Variants in FGFR2 observed in about 807,000 individuals in gnomAD.
FGFR2 encodes fibroblast growth factor receptor 2.
A neutral mutation model predicts 95.9 loss-of-function variants in FGFR2; 19 were observed. The ratio of observed to expected loss-of-function variants is 0.20; its 90% CI spans 0.14 to 0.29. The LOEUF (loss-of-function observed/expected upper bound fraction) is 0.29. Ranked by LOEUF, FGFR2 falls within the 10% of genes least tolerant of loss-of-function variation. The probability of loss-of-function intolerance (pLI) is 1.00; values close to 1 mark genes in which losing one functional copy is unlikely to be tolerated. For missense variants in FGFR2, 707 were observed against 1,056.9 expected (o/e 0.67, Z 4.59); for synonymous variants, 392 against 393.3 (o/e 1.00, Z 0.04).
chr10:121,525,138 CTCT>C (rs1206086547), intron 6 of FGFR2, among the ~76,000 whole-genome samples: 1 of 152,062 alleles, frequency 6.6e-6, no homozygotes, highest in Non-Finnish European at 1.5e-5. Context: ...TGAGTAGCTC[CTCT>C]GTTTACTGTA....
At chr10:121,592,996 C>G (rs964708809) in intron 2 of FGFR2, among the ~76,000 whole-genome samples, 4 of 152,214 alleles carry the variant, frequency 2.6e-5, no homozygotes, top group African/African-American at 9.6e-5. Context: ...CTGAATAATT[C>G]AGCCTCATGT....
intron 2 of FGFR2, among the ~76,000 whole-genome samples, chr10:121,585,708 T>G (rs905919964): frequency 1.3e-5 from 2 of 152,256 alleles, no homozygotes; most frequent in African/African-American, 4.8e-5. Context: ...CAATTCTATT[T>G]TTAAGAATGG....
chr10:121,482,983 G>A (rs972955464), intron 17 of FGFR2, among the ~76,000 whole-genome samples: 1 of 152,124 alleles, frequency 6.6e-6, no homozygotes, highest in African/African-American at 2.4e-5. Flanking sequence ...TTTTAGTAGA[G>A]ACAGGGTTTC....
intron 9 of FGFR2, among the ~76,000 whole-genome samples, chr10:121,505,784 A>C (rs1300967316): frequency 6.6e-6 from 1 of 152,240 alleles, no homozygotes; most frequent in East Asian, 1.9e-4. Context: ...CAAGACTTCC[A>C]GTTTGCATTG....
At chr10:121,487,452 CT>C (rs1314300608) in intron 14 of FGFR2, 28 bp from the exon 15 acceptor site, 3 of 1,586,734 alleles carry the variant, frequency 1.9e-6, no homozygotes, top group Middle Eastern at 3.3e-4. Flanking sequence ...AATGCAAAAA[CT>C]AAATATATTT....
In FGFR2 at chr10:121,538,200, G is replaced by A. The variant is rs190300226; in HGVS notation, c.748+392C>T. Reference sequence around the variant, plus strand: ...GACCTTTTCCTTTACTCTTCAGCTGGCCTTCTACAGTTGCCCTGTTGGGGA... The same window carrying A: ...GACCTTTTCCTTTACTCTTCAGCTGACCTTCTACAGTTGCCCTGTTGGGGA... On this transcript the variant is annotated intron_variant, in intron 6 of 17. Coordinates refer to ENST00000358487, the MANE Select transcript of FGFR2 (RefSeq NM_000141.5). 17 of 618,116 alleles carry A rather than the reference G, an allele frequency of 2.8e-5. No individual in the cohort carries two copies. The Admixed American group carries it at 4.8e-4, about 18-fold the overall frequency. 38.3% of individuals were successfully genotyped at this position (618,116 alleles called of 1,614,324 possible).
intron 5 of FGFR2, among the ~76,000 whole-genome samples, chr10:121,544,443 TAAAAAAAAAAA>T (rs753310814): frequency 1.9e-5 from 2 of 106,238 alleles, no homozygotes; most frequent in Non-Finnish European, 4.0e-5. Flanking sequence ...AACTCCGTCT[TAAAAAAAAAAA>T]AAAAAAAAAG....
intron 5 of FGFR2, among the ~76,000 whole-genome samples, chr10:121,547,306 T>C (rs1854662380): frequency 1.3e-5 from 2 of 152,188 alleles, no homozygotes; most frequent in South Asian, 4.2e-4. Flanking sequence ...CCCTCTGAGT[T>C]TCAATTAGGT....
At chr10:121,578,609 C>A (rs553894296) in intron 2 of FGFR2, among the ~76,000 whole-genome samples, 3 of 152,260 alleles carry the variant, frequency 2.0e-5, no homozygotes, top group African/African-American at 7.2e-5. Context: ...CTTGCTCCCA[C>A]TTCCAAAGAT....
intron 4 of FGFR2, among the ~76,000 whole-genome samples, chr10:121,552,439 C>T (rs1855540835): frequency 6.6e-6 from 1 of 152,198 alleles, no homozygotes; most frequent in Non-Finnish European, 1.5e-5. Flanking sequence ...AAGGCACTAT[C>T]ATAATCTTGG....
At chr10:121,575,729 C>A (rs2981580) in intron 2 of FGFR2, among the ~76,000 whole-genome samples, 5 of 151,804 alleles carry the variant, frequency 3.3e-5, no homozygotes, top group South Asian at 2.1e-4. Context: ...GGTGGTGCAC[C>A]CCTGTAATCC....
chr10:121,483,066 G>A (rs1159036082), intron 17 of FGFR2, among the ~76,000 whole-genome samples: 1 of 152,074 alleles, frequency 6.6e-6, no homozygotes, highest in Non-Finnish European at 1.5e-5. Context: ...CAAAATGCTG[G>A]GATTACAGGC....
Position 121,499,009 on chromosome 10 carries a change from G to A in FGFR2, c.1562-404C>T, listed in dbSNP as rs1237313596. On this transcript the variant is annotated intron_variant, in intron 11 of 17. Transcript: ENST00000358487. ...TTCAAATCACTACAGACTTGCTCCC[G>A]ACCAAGCATTCTTAACCCAGCCCCT... Among the ~76,000 whole-genome samples the A allele has an allele frequency of 2.6e-5, 4 of 152,132 alleles. No homozygotes were observed. In the South Asian group the frequency reaches 6.2e-4, roughly 24 times the overall value.
At chr10:121,562,580 C>T (rs933691947) in intron 4 of FGFR2, among the ~76,000 whole-genome samples, 4 of 152,136 alleles carry the variant, frequency 2.6e-5, no homozygotes, top group Admixed American at 6.5e-5. Context: ...GCAACGGTGC[C>T]CAGCCGAGAT....
chr10:121,595,827 T>C (rs1178097748), intron 1 of FGFR2, among the ~76,000 whole-genome samples: 1 of 152,132 alleles, frequency 6.6e-6, no homozygotes, highest in Admixed American at 6.5e-5. Flanking sequence ...GACAGGGCGC[T>C]CCGCTGAATC....
intron 1 of FGFR2, among the ~76,000 whole-genome samples, chr10:121,594,345 T>G (rs1863132497): frequency 6.6e-6 from 1 of 152,134 alleles, no homozygotes; most frequent in Admixed American, 6.5e-5. Context: ...AAAAGCAAGT[T>G]AAAAATGCTC....
intron 6 of FGFR2, among the ~76,000 whole-genome samples, chr10:121,525,554 G>A (rs924824620): frequency 1.3e-5 from 2 of 152,026 alleles, no homozygotes; most frequent in African/African-American, 4.8e-5. Context: ...CTGTAGCTGG[G>A]AGCCATAACC....
intron 10 of FGFR2, 128 bp downstream of exon 10, chr10:121,503,661 AT>A: frequency 2.0e-6 from 2 of 1,023,234 alleles, no homozygotes; most frequent in South Asian, 2.7e-5. Flanking sequence ...TAGAAATACA[AT>A]CTTACTCCTG....
chr10:121,542,784 A>G (rs1853953854), intron 5 of FGFR2, among the ~76,000 whole-genome samples: 1 of 152,142 alleles, frequency 6.6e-6, no homozygotes, highest in South Asian at 2.1e-4. Flanking sequence ...GTTTTTCGGA[A>G]TTCTTCTGTT....
Sources: allele counts gnomAD v4.1 joint callset (sites outside exome capture counted in the v4.1 genomes callset), GRCh38; gene constraint gnomAD v4.1.1; transcripts MANE v1.5; gene names NCBI Gene and HGNC (gene_info 2026-07-23, HGNC 2026-07-21).